Variants in MGLL observed in about 807,000 individuals in gnomAD.
MGLL encodes the protein lysophospholipase homolog.
MGLL carries 7 observed loss-of-function variants against 29.1 expected under a neutral mutation model. The observed-to-expected ratio is 0.24, with a 90% CI of 0.14 to 0.45. The LOEUF is 0.45. MGLL is among the 20% of genes least tolerant of loss of function. The probability of loss-of-function intolerance (pLI) is 0.99; values close to 1 mark genes in which losing one functional copy is unlikely to be tolerated. For missense variants in MGLL, 356 were observed against 413.6 expected (o/e 0.86, Z 1.21); for synonymous variants, 148 against 168.3 (o/e 0.88, Z 0.93).
intron 3 of MGLL, among the ~76,000 whole-genome samples, chr3:127,774,880 C>T (rs1046393284): frequency 6.6e-6 from 1 of 152,218 alleles, no homozygotes; most frequent in Non-Finnish European, 1.5e-5. Flanking sequence ...CTCATTTCAT[C>T]TCCACGGCCA....
At chr3:127,779,082 T>G (rs2077082010) in intron 3 of MGLL, among the ~76,000 whole-genome samples, 1 of 141,622 alleles carries the variant, frequency 7.1e-6, no homozygotes, top group African/African-American at 2.5e-5. Flanking sequence ...AAAGCTATGT[T>G]GGACTGGGTG....
intron 3 of MGLL, among the ~76,000 whole-genome samples, chr3:127,723,623 C>T (rs4974413): frequency 0.14 from 21,097 of 152,214 alleles, 1,765 homozygotes; most frequent in Middle Eastern, 0.36. Context: ...CAGCACTCCC[C>T]CTTTCCTTGC....
rs1211955360 is a variant in MGLL, at chr3:127,743,313, C to T, written c.263-20747G>A. ...CTCCATATTTCCTTCCTACTTCAGG[C>T]TGCAACTTGAATATGCTTTTAAAAA... On this transcript the variant is annotated intron_variant, in intron 3 of 7. Transcript: ENST00000265052. 7.2e-5 allele frequency among the ~76,000 whole-genome samples: 11 copies of T among 152,252 alleles called. No homozygotes were observed. The East Asian group carries it at 1.9e-3, about 27-fold the overall frequency.
intron 3 of MGLL, 96 bp downstream of exon 3, chr3:127,781,693 G>A: frequency 2.7e-6 from 3 of 1,118,754 alleles, no homozygotes; most frequent in Non-Finnish European, 4.1e-6. Context: ...GGGAATAGAA[G>A]AATTGAGAAG....
Position 127,695,032 on chromosome 3 carries a change from G to C in MGLL, c.759C>G (p.Asp253Glu). The C allele has an allele frequency of 1.2e-6, 2 of 1,614,126 alleles. No homozygotes were observed. The highest frequency in any genetic ancestry group is 1.7e-6 in the Non-Finnish European group (2 of 1,180,032). Reference sequence around the variant, plus strand: ...CCATGAGCAGGTAGGCCCCTTTGCTGTCACATAGGCGATCGGCAGAGCCCT... The same window carrying C: ...CCATGAGCAGGTAGGCCCCTTTGCTCTCACATAGGCGATCGGCAGAGCCCT... The part of the protein sequence containing the change: ...LLQGSADRLC[D>E]SKGAYLLMEL... The change falls in exon 7 of 8, where the codon GAC (aspartate) becomes GAG (glutamate). Residue 253 changes from aspartate to glutamate, a missense_variant. Physicochemically the swap from Asp to Glu is conservative, Grantham distance 45 (BLOSUM62 2). Coordinates refer to ENST00000265052, the MANE Select transcript of MGLL (RefSeq NM_007283.7).
At chr3:127,742,295 G>T (rs2076355163) in intron 3 of MGLL, among the ~76,000 whole-genome samples, 1 of 152,142 alleles carries the variant, frequency 6.6e-6, no homozygotes, top group Non-Finnish European at 1.5e-5. Flanking sequence ...ACAGACAAAA[G>T]CTACAGAAGG....
In MGLL at chr3:127,722,475, C is replaced by T. The variant is rs775518927; in HGVS notation, c.354G>A (p.Gln118=). 8.7e-6 allele frequency: 14 copies of T among 1,614,114 alleles called. No homozygotes were observed. The highest frequency in any genetic ancestry group is 3.3e-4 in the Middle Eastern group (2 of 6,082). The change falls in exon 4 of 8, where the codon CAG becomes CAA. Residue 118 remains glutamine (Q), a synonymous_variant. Transcript: ENST00000265052. ...RDVLQHVDSM[Q]KDYPGLPVFL... ...AGACAGGAAGCCCAGGGTAGTCTTT[C>T]TGCATGGAATCCACATGCTGCAACA...
At chr3:127,735,630 G>T in intron 3 of MGLL, 1 of 1,431,504 alleles carries the variant, frequency 7.0e-7, no homozygotes, top group Non-Finnish European at 9.4e-7. Context: ...CAAATTCCAA[G>T]ATTGTAGTTA....
At chr3:127,809,336 A>G (rs1033727368) in intron 2 of MGLL, among the ~76,000 whole-genome samples, 3 of 152,160 alleles carry the variant, frequency 2.0e-5, no homozygotes, top group Non-Finnish European at 4.4e-5. Flanking sequence ...GATTAAGACC[A>G]ATCATGAGGC....
At chr3:127,797,920 G>A (rs2077412321) in intron 2 of MGLL, among the ~76,000 whole-genome samples, 1 of 152,108 alleles carries the variant, frequency 6.6e-6, no homozygotes, top group South Asian at 2.1e-4. Context: ...ACCGTACCTG[G>A]CCCAAAATTC....
In MGLL at chr3:127,802,733, T is replaced by C. The variant is rs375304321; in HGVS notation, c.155+18961A>G. The stretch of plus-strand genomic sequence containing the variant: ...CTAGGCCAGCCGGGGCCCTGGCCGG[T>C]TTTGAAAAGGTTCTTATGCCAAAGG... On this transcript the variant is annotated intron_variant, in intron 2 of 7. Coordinates refer to ENST00000265052, the MANE Select transcript of MGLL (RefSeq NM_007283.7). Among the ~76,000 whole-genome samples, 6 of 152,296 alleles carry C rather than the reference T, an allele frequency of 3.9e-5. No homozygotes were observed. In the South Asian group the frequency reaches 1.2e-3, roughly 32 times the overall value.
intron 2 of MGLL, among the ~76,000 whole-genome samples, chr3:127,814,401 T>C (rs2077716912): frequency 6.6e-6 from 1 of 152,226 alleles, no homozygotes; most frequent in South Asian, 2.1e-4. Flanking sequence ...GAATCTTGGA[T>C]GACCCTGCAA....
At chr3:127,781,934 C>A (rs951329801) in intron 2 of MGLL, 39 bp from the exon 3 acceptor site, 1 of 1,600,668 alleles carries the variant, frequency 6.2e-7, no homozygotes. Flanking sequence ...GGAAAGCCCA[C>A]ACGGGGCTGG....
chr3:127,809,658 G>A (rs2077627767), intron 2 of MGLL, among the ~76,000 whole-genome samples: 2 of 151,544 alleles, frequency 1.3e-5, no homozygotes, highest in South Asian at 4.2e-4. Context: ...AAAGACTAAT[G>A]AGTGATATCC....
chr3:127,775,934 T>C (rs1026075963), intron 3 of MGLL, among the ~76,000 whole-genome samples: 1 of 152,192 alleles, frequency 6.6e-6, no homozygotes, highest in African/African-American at 2.4e-5. Context: ...CCCTTCTGCC[T>C]GCATGGAAGG....
Position 127,709,731 on chromosome 3 carries a change from TGAA to T in MGLL, c.600+842_600+844del, listed in dbSNP as rs145554304. 2.6e-3 allele frequency among the ~76,000 whole-genome samples: 394 copies of T among 152,292 alleles called. 2 individuals carry two copies. The highest frequency in any genetic ancestry group is 8.7e-3 in the African/African-American group (363 of 41,558). ...AGTGGCAAACTTATTTGCTTAATCA[TGAA>T]GATAATGCTGGTGTCTTCTGGATGC... is the stretch of plus-strand genomic sequence containing the variant. On this transcript the variant is annotated intron_variant, in intron 6 of 7. Transcript: ENST00000265052.
At chr3:127,699,120 G>A (rs2075428853) in intron 6 of MGLL, among the ~76,000 whole-genome samples, 1 of 152,236 alleles carries the variant, frequency 6.6e-6, no homozygotes, top group Non-Finnish European at 1.5e-5. Flanking sequence ...CCCATCAGGG[G>A]ACCCCAAAGC....
intron 2 of MGLL, among the ~76,000 whole-genome samples, chr3:127,820,253 A>G (rs1395131586): frequency 2.0e-5 from 3 of 152,240 alleles, no homozygotes; most frequent in Non-Finnish European, 2.9e-5. Flanking sequence ...ATCTCTAACT[A>G]GAGCAAAAGC....
intron 2 of MGLL, among the ~76,000 whole-genome samples, chr3:127,802,174 C>G (rs1253005237): frequency 6.6e-6 from 1 of 152,206 alleles, no homozygotes; most frequent in Non-Finnish European, 1.5e-5. Context: ...CTCCATACCA[C>G]ACAGCACAGG....
Sources: allele counts gnomAD v4.1 joint callset (sites outside exome capture counted in the v4.1 genomes callset), GRCh38; gene constraint gnomAD v4.1.1; transcripts MANE v1.5; gene names NCBI Gene and HGNC (gene_info 2026-07-23, HGNC 2026-07-21).